The following USP34 variants were observed in gnomAD, a reference collection of about 807,000 sequenced individuals.
USP34 encodes ubiquitin carboxyl-terminal hydrolase 34.
In USP34, 70 loss-of-function variants were observed where a neutral mutation model predicts 460.3. The ratio of observed to expected loss-of-function variants is 0.15; its 90% CI spans 0.13 to 0.19. The LOEUF is 0.19. USP34 is among the 10% of genes least tolerant of loss of function. The probability of loss-of-function intolerance (pLI) is 1.00; values close to 1 mark genes in which losing one functional copy is unlikely to be tolerated. For missense variants in USP34, 3,985 were observed against 4,236.2 expected, an observed-to-expected ratio of 0.94 and a Z score of 1.65; for synonymous variants, 1,647 against 1,405.3, an observed-to-expected ratio of 1.17 and a Z score of -3.85.
intron 1 of USP34, among the ~76,000 whole-genome samples, chr2:61,460,227 A>G (rs1695560541): frequency 1.3e-5 from 2 of 152,208 alleles, no homozygotes; most frequent in Non-Finnish European, 2.9e-5. Flanking sequence ...TTAAATGGAA[A>G]ATTCCAGAAA....
chr2:61,221,675 A>T (rs1687591902), intron 65 of USP34, 69 bp from the exon 66 acceptor site: 1 of 1,423,892 alleles, frequency 7.0e-7, no homozygotes, highest in Non-Finnish European at 9.7e-7. Flanking sequence ...GAGAAGAAAC[A>T]TATATTCTAC....
chr2:61,395,281 CT>C, intron 3 of USP34, 48 bp from the exon 4 acceptor site: 1 of 1,110,980 alleles, frequency 9.0e-7, no homozygotes, highest in South Asian at 1.4e-5. Flanking sequence ...AACTACTAAC[CT>C]TTAAAAAATA....
rs1168421047 is a variant in USP34 at position 61,435,929 on chromosome 2, T to C, written c.44-15096A>G. 4.6e-5 allele frequency among the ~76,000 whole-genome samples: 7 copies of C among 151,966 alleles called. No individual in the cohort carries two copies. The South Asian group carries it at 1.5e-3, about 32-fold the overall frequency. On this transcript the variant is annotated intron_variant, in intron 1 of 79. Transcript: ENST00000398571. ...TGTAATCCCAGCTACTCAGGAGGCT[T>C]AGGCAGGAGAATCGCTTGAACCTGG...
intron 23 of USP34, among the ~76,000 whole-genome samples, chr2:61,316,468 C>T (rs1690751588): frequency 6.6e-6 from 1 of 151,846 alleles, no homozygotes; most frequent in Non-Finnish European, 1.5e-5. Flanking sequence ...GCCTGTTGTC[C>T]CAGCTACTCA....
At chr2:61,336,405 C>T (rs1181529392) in intron 18 of USP34, among the ~76,000 whole-genome samples, 2 of 151,762 alleles carry the variant, frequency 1.3e-5, no homozygotes, top group Admixed American at 6.6e-5. Flanking sequence ...GACTTACACG[C>T]GTGAGACACT....
intron 27 of USP34, among the ~76,000 whole-genome samples, chr2:61,310,511 T>C (rs1254134936): frequency 6.6e-6 from 1 of 151,570 alleles, no homozygotes; most frequent in Non-Finnish European, 1.5e-5. Context: ...ATTCTACCAT[T>C]TGTGCTTTAA....
Position 61,229,641 on chromosome 2 carries a change from G to T in USP34, c.7114-8C>A, listed in dbSNP as rs374042554. On this transcript the variant is annotated splice_polypyrimidine_tract_variant and splice_region_variant and intron_variant, in intron 58 of 79. Transcript: ENST00000398571. ...ACACAAACGCTGAAACATCTGTGAA[G>T]AAAGAAAAAGATCAAACAAGAGCCA... The T allele has an allele frequency of 1.0e-5, 16 of 1,607,716 alleles. No homozygotes were observed. Among genetic ancestry groups the T allele is most frequent in the Non-Finnish European group, 1.4e-5 (16 of 1,177,756 alleles).
At chr2:61,296,110 T>C (rs982320724) in intron 30 of USP34, among the ~76,000 whole-genome samples, 2 of 151,962 alleles carry the variant, frequency 1.3e-5, no homozygotes, top group African/African-American at 2.4e-5. Flanking sequence ...AATACAAAAA[T>C]GAGCCAGGCA....
chr2:61,315,022 G>A, intron 23 of USP34, 48 bp from the exon 24 acceptor site: 3 of 1,460,372 alleles, frequency 2.1e-6, no homozygotes, highest in South Asian at 2.4e-5. Context: ...GTCAAACTAT[G>A]TAACTCATTA....
At chr2:61,306,130 T>C (rs1690396471) in intron 27 of USP34, among the ~76,000 whole-genome samples, 1 of 152,196 alleles carries the variant, frequency 6.6e-6, no homozygotes. Context: ...TTTTGGTGTT[T>C]TGGACATGAA....
At chr2:61,453,462 C>T (rs1695343340) in intron 1 of USP34, among the ~76,000 whole-genome samples, 1 of 151,920 alleles carries the variant, frequency 6.6e-6, no homozygotes, top group Non-Finnish European at 1.5e-5. Flanking sequence ...GTAATCCCAG[C>T]ACTTTGGGAG....
At chr2:61,330,546 G>T (rs1233278192) in intron 20 of USP34, among the ~76,000 whole-genome samples, 2 of 152,148 alleles carry the variant, frequency 1.3e-5, no homozygotes, top group African/African-American at 4.8e-5. Flanking sequence ...CACCTTTGTG[G>T]AAGTTTTCTA....
At chr2:61,295,402 A>G in intron 30 of USP34, 112 bp from the exon 31 acceptor site, 4 of 1,089,418 alleles carry the variant, frequency 3.7e-6, no homozygotes, top group Non-Finnish European at 4.9e-6. Context: ...ATATACTTTG[A>G]AACATATTAA....
intron 3 of USP34, among the ~76,000 whole-genome samples, chr2:61,400,468 A>C (rs1344819811): frequency 1.3e-5 from 2 of 152,152 alleles, no homozygotes; most frequent in African/African-American, 2.4e-5. Flanking sequence ...AACCATGAAG[A>C]ACTCAATGTC....
chr2:61,309,107 C>T (rs75213537), intron 27 of USP34, among the ~76,000 whole-genome samples: 2 of 152,250 alleles, frequency 1.3e-5, no homozygotes, highest in East Asian at 1.9e-4. Flanking sequence ...CAGAATTCAA[C>T]AGCAATGATG....
At chr2:61,394,331 A>G (rs1476281441) in intron 5 of USP34, among the ~76,000 whole-genome samples, 2 of 152,054 alleles carry the variant, frequency 1.3e-5, no homozygotes, top group Non-Finnish European at 2.9e-5. Context: ...AAAATTTCCC[A>G]GGACAGAATC....
At chr2:61,294,254 G>C (rs1052138530) in intron 32 of USP34, among the ~76,000 whole-genome samples, 1 of 151,750 alleles carries the variant, frequency 6.6e-6, no homozygotes, top group African/African-American at 2.4e-5. Context: ...GCTGAGGCAG[G>C]AGAATCGCGT....
chr2:61,277,709 A>G (rs1178542834), intron 41 of USP34: 1 of 153,148 alleles, frequency 6.5e-6, no homozygotes, highest in African/African-American at 2.4e-5. Flanking sequence ...ACATATCCAC[A>G]TACAATGTGA....
Position 61,300,098 on chromosome 2 carries a change from C to T in USP34, c.4128+853G>A, listed in dbSNP as rs58513811. Among the ~76,000 whole-genome samples the T allele has an allele frequency of 2.1e-4, 32 of 152,312 alleles. 1 individual carries two copies. In the South Asian group the frequency reaches 2.5e-3, roughly 12 times the overall value. On this transcript the variant is annotated intron_variant, in intron 29 of 79. Transcript: ENST00000398571. Reference sequence around the variant, plus strand: ...GCAACTTGTTCCTGGACTCGTATATCAAATGCTTTACTGACTTTGTTACTT... The same window carrying T: ...GCAACTTGTTCCTGGACTCGTATATTAAATGCTTTACTGACTTTGTTACTT...
Sources: allele counts gnomAD v4.1 joint callset (sites outside exome capture counted in the v4.1 genomes callset), GRCh38; gene constraint gnomAD v4.1.1; transcripts MANE v1.5; gene names NCBI Gene and HGNC (gene_info 2026-07-23, HGNC 2026-07-21).